The following CCDC178 variants were observed in gnomAD, a reference collection of about 807,000 sequenced individuals.
The protein encoded by CCDC178 is coiled-coil domain containing 178.
CCDC178 carries 126 observed loss-of-function variants against 117.4 expected under a neutral mutation model. The ratio of observed to expected loss-of-function variants is 1.07; its 90% CI spans 0.93 to 1.24. CCDC178 has a LOEUF of 1.24. CCDC178 is among the 50% of genes most tolerant of loss of function. The probability of loss-of-function intolerance (pLI) is 0.00; values close to 1 mark genes in which losing one functional copy is unlikely to be tolerated. For missense variants in CCDC178, 1,030 were observed against 986.9 expected, an observed-to-expected ratio of 1.04 and a Z score of -0.59; for synonymous variants, 283 against 313.4, an observed-to-expected ratio of 0.90 and a Z score of 1.02.
At chr18:33,177,836 T>C (rs2058681295) in intron 20 of CCDC178, among the ~76,000 whole-genome samples, 1 of 152,178 alleles carries the variant, frequency 6.6e-6, no homozygotes, top group Non-Finnish European at 1.5e-5. Context: ...GACTACTCCT[T>C]TTCTGTAGAA....
In CCDC178 at chr18:32,993,979, AAC is replaced by A. The variant is rs2055449698; in HGVS notation, c.2389-19300_2389-19299del. Among the ~76,000 whole-genome samples the A allele has an allele frequency of 2.0e-5, 3 of 152,048 alleles. No individual in the cohort carries two copies. In the South Asian group the frequency reaches 6.2e-4, roughly 32 times the overall value. On this transcript the variant is annotated intron_variant, in intron 21 of 22. Transcript: ENST00000383096. ...TCTGTACAACACAGTCCTGTGTTGC[AAC>A]AGAGATTACTACTATATAGAGAAGC...
intron 14 of CCDC178, among the ~76,000 whole-genome samples, chr18:33,259,794 A>G (rs1216401820): frequency 6.6e-6 from 1 of 152,140 alleles, no homozygotes; most frequent in East Asian, 1.9e-4. Context: ...TGAAGGCAGG[A>G]AGTTTTCCAC....
At chr18:33,157,422 T>C (rs1187148875) in intron 20 of CCDC178, among the ~76,000 whole-genome samples, 2 of 152,176 alleles carry the variant, frequency 1.3e-5, no homozygotes, top group Non-Finnish European at 2.9e-5. Flanking sequence ...AACCCTTCTT[T>C]TAAATGAACT....
At chr18:33,296,917 G>A (rs939827112) in intron 11 of CCDC178, among the ~76,000 whole-genome samples, 35 of 151,992 alleles carry the variant, frequency 2.3e-4, no homozygotes, top group African/African-American at 6.8e-4. Context: ...CCACCTACTC[G>A]GGAGGCTGAA....
At chr18:33,375,790 C>G (rs1368281690) in intron 5 of CCDC178, among the ~76,000 whole-genome samples, 6 of 152,050 alleles carry the variant, frequency 3.9e-5, no homozygotes, top group Admixed American at 3.3e-4. Flanking sequence ...AGTAAAAGAA[C>G]TGTTATTAGT....
At chr18:33,120,612 G>A (rs1014148234) in intron 20 of CCDC178, among the ~76,000 whole-genome samples, 3 of 152,090 alleles carry the variant, frequency 2.0e-5, no homozygotes. Context: ...CTTGCTGAGG[G>A]TAAAAGAAAT....
rs560827458 is a variant in CCDC178, at chr18:32,938,299, C to G, written c.2524-208G>C. 3 of 486,194 alleles carry G rather than the reference C, an allele frequency of 6.2e-6. No homozygotes were observed. In the South Asian group the frequency reaches 1.0e-4, roughly 17 times the overall value. 30.1% of individuals were successfully genotyped at this position (486,194 alleles called of 1,614,324 possible). On this transcript the variant is annotated intron_variant, in intron 22 of 22. Transcript: ENST00000383096. ...TCTAGTAAGTTCTAAAAATTAAAGT[C>G]CAACTAACTTTAAGGTAGAGAGTGA... is the stretch of plus-strand genomic sequence containing the variant.
At chr18:33,302,813 C>T (rs2062194416) in intron 11 of CCDC178, among the ~76,000 whole-genome samples, 1 of 151,934 alleles carries the variant, frequency 6.6e-6, no homozygotes, top group Admixed American at 6.6e-5. Flanking sequence ...AACAGTTGAT[C>T]TCAAAGAAGA....
At chr18:33,222,172 T>A (rs2059242559) in intron 18 of CCDC178, among the ~76,000 whole-genome samples, 2 of 151,956 alleles carry the variant, frequency 1.3e-5, no homozygotes, top group Non-Finnish European at 2.9e-5. Context: ...AAAAGTGTAA[T>A]CATGCTATTT....
chr18:33,292,904 C>G (rs1339440070), intron 12 of CCDC178, among the ~76,000 whole-genome samples: 1 of 151,938 alleles, frequency 6.6e-6, no homozygotes, highest in Non-Finnish European at 1.5e-5. Flanking sequence ...CTTGCCAGAC[C>G]TGGGGCAGAG....
intron 11 of CCDC178, among the ~76,000 whole-genome samples, chr18:33,309,277 T>G (rs1334181622): frequency 6.6e-6 from 1 of 151,996 alleles, no homozygotes; most frequent in Non-Finnish European, 1.5e-5. Context: ...ATTTAACCCA[T>G]GTGTTTAAGG....
At chr18:33,064,267 A>G (rs1312466337) in intron 21 of CCDC178, among the ~76,000 whole-genome samples, 1 of 152,246 alleles carries the variant, frequency 6.6e-6, no homozygotes, top group Non-Finnish European at 1.5e-5. Context: ...ACTCAGTGAC[A>G]TACAAGAGAA....
intron 20 of CCDC178, among the ~76,000 whole-genome samples, chr18:33,147,021 C>T (rs1288599923): frequency 2.6e-5 from 4 of 152,148 alleles, no homozygotes; most frequent in Non-Finnish European, 5.9e-5. Context: ...TCCACAACAG[C>T]CTCTTCAGAC....
At chr18:33,267,417 C>T in intron 12 of CCDC178, 120 bp from the exon 13 acceptor site, 2 of 564,478 alleles carry the variant, frequency 3.5e-6, no homozygotes, top group Non-Finnish European at 5.9e-6. Flanking sequence ...AATTGAAAAA[C>T]AATAGAAAAT....
chr18:33,157,882 G>A (rs947434756), intron 20 of CCDC178, among the ~76,000 whole-genome samples: 1 of 152,078 alleles, frequency 6.6e-6, no homozygotes, highest in Non-Finnish European at 1.5e-5. Context: ...CACTTGTCAT[G>A]CATCTTGCCA....
intron 5 of CCDC178, among the ~76,000 whole-genome samples, chr18:33,378,469 A>G (rs1363904150): frequency 1.3e-5 from 2 of 152,086 alleles, no homozygotes; most frequent in Non-Finnish European, 2.9e-5. Context: ...AGGACTTCCA[A>G]TACTATGTTG....
intron 20 of CCDC178, among the ~76,000 whole-genome samples, chr18:33,194,923 A>G (rs1296196140): frequency 6.8e-4 from 98 of 143,160 alleles, no homozygotes; most frequent in Middle Eastern, 3.6e-3. Flanking sequence ...AAAAAAAGAG[A>G]GAGAGAGAGG....
At chr18:33,411,982 A>C in intron 3 of CCDC178, 49 bp downstream of exon 3, 1 of 981,318 alleles carries the variant, frequency 1.0e-6, no homozygotes. Flanking sequence ...TGTGAATTCC[A>C]TTTATCTATG....
At chr18:33,316,125 C>T (rs1015000452) in intron 11 of CCDC178, among the ~76,000 whole-genome samples, 1 of 152,180 alleles carries the variant, frequency 6.6e-6, no homozygotes, top group Admixed American at 6.5e-5. Flanking sequence ...CCCACTCTGG[C>T]GGAGCTTGAG....
Sources: allele counts gnomAD v4.1 joint callset (sites outside exome capture counted in the v4.1 genomes callset), GRCh38; gene constraint gnomAD v4.1.1; transcripts MANE v1.5; gene names NCBI Gene and HGNC (gene_info 2026-07-23, HGNC 2026-07-21).